The following ZNF738 variants were observed in gnomAD, a reference collection of about 807,000 sequenced individuals.
The protein encoded by ZNF738 is zinc finger protein 738.
Under a neutral mutation model 9.2 loss-of-function variants are expected in ZNF738, and 10 were observed. The observed-to-expected ratio is 1.09, with a 90% CI of 0.67 to 1.85. The LOEUF is 1.85. ZNF738 is among the 40% of genes most tolerant of loss of function. ZNF738 has a pLI of 0.00. For synonymous variants in ZNF738, 113 were observed against 94.5 expected (o/e 1.20, Z -1.14); for missense variants, 346 against 283.6 (o/e 1.22, Z -1.58).
At position 21,377,496 on chromosome 19, in the gene ZNF738, A is replaced by T. The variant is rs745310516; in HGVS notation, c.319+1532A>T. Reference sequence around the variant, plus strand: ...TTTGGAACCTTAGTGTGACATACACACAGACACACAGACGTGCACACACAC... The same window carrying T: ...TTTGGAACCTTAGTGTGACATACACTCAGACACACAGACGTGCACACACAC... On this transcript the variant is annotated intron_variant, in intron 4 of 4. Coordinates refer to ENST00000683779, the MANE Select transcript of ZNF738 (RefSeq NM_001355237.2). 6 of 685,082 alleles carry T rather than the reference A, an allele frequency of 8.8e-6. No individual in the cohort carries two copies. In the South Asian group the frequency reaches 9.3e-5, roughly 11 times the overall value. 42.4% of individuals were successfully genotyped at this position (685,082 alleles called of 1,614,324 possible). A position where few individuals can be genotyped will look rare whatever the true frequency, so the allele number is the denominator to read the frequency against.
intron 4 of ZNF738, among the ~76,000 whole-genome samples, chr19:21,382,420 G>A (rs1472101038): frequency 6.6e-6 from 1 of 151,884 alleles, no homozygotes; most frequent in African/African-American, 2.4e-5. Context: ...TATATTTGTA[G>A]TAGAGACGGA....
chr19:21,372,144 G>A (rs1158589045), intron 2 of ZNF738: 3 of 152,048 alleles, frequency 2.0e-5, no homozygotes, highest in Non-Finnish European at 4.4e-5. Context: ...GTTTCTCCAT[G>A]TTGGTCAGGC....
At position 21,383,962 on chromosome 19, in the gene ZNF738, C is replaced by T. The variant is rs890807488; in HGVS notation, c.*288C>T. On this transcript the variant is annotated 3_prime_UTR_variant, in exon 5 of 5. Transcript: ENST00000683779. The stretch of plus-strand genomic sequence containing the variant: ...TTTAACTGTTACTCCTACCTTACTG[C>T]ACATAAGTTGATTCATACTGGAGAG... The T allele has an allele frequency of 2.1e-6, 3 of 1,419,042 alleles. No homozygotes were observed. The highest frequency in any genetic ancestry group is 3.0e-6 in the Non-Finnish European group (3 of 1,014,140). The allele number at this position is 1,419,042 out of a possible 1,614,324, so 87.9% of individuals were successfully genotyped here.
chr19:21,361,890 G>T, intron 2 of ZNF738, 32 bp downstream of exon 2: 1 of 756,378 alleles, frequency 1.3e-6, no homozygotes, highest in Non-Finnish European at 2.5e-6. Flanking sequence ...ATTGTCTTTG[G>T]GACCAGCTTG....
chr19:21,359,012 C>T lies in ZNF738; in HGVS notation c.-129C>T, dbSNP rs565586694. Reference sequence around the variant, plus strand: ...TGTCCGCTTCTTTGTCTTTGGCTGCCGCTGGAACTCCGGGTCTCGTCTTCA... The same window carrying T: ...TGTCCGCTTCTTTGTCTTTGGCTGCTGCTGGAACTCCGGGTCTCGTCTTCA... On this transcript the variant is annotated 5_prime_UTR_variant, in exon 1 of 5. Coordinates refer to ENST00000683779, the MANE Select transcript of ZNF738 (RefSeq NM_001355237.2). 6.6e-6 allele frequency: 5 copies of T among 758,808 alleles called. No individual in the cohort carries two copies. The highest frequency in any genetic ancestry group is 1.2e-5 in the Non-Finnish European group (5 of 412,148). The allele number at this position is 758,808 out of a possible 1,614,324, so 47.0% of individuals were successfully genotyped here.
At chr19:21,374,035 AT>A (rs1973893485) in intron 2 of ZNF738, among the ~76,000 whole-genome samples, 1 of 152,126 alleles carries the variant, frequency 6.6e-6, no homozygotes, top group African/African-American at 2.4e-5. Flanking sequence ...CTTACCAGGA[AT>A]TTTTGATCTG....
chr19:21,359,948 G>A (rs1973660645), intron 1 of ZNF738, among the ~76,000 whole-genome samples: 1 of 152,162 alleles, frequency 6.6e-6, no homozygotes, highest in East Asian at 1.9e-4. Context: ...CCAAGCTGTG[G>A]TTTTTAGTTT....
rs1974060852 is a variant in ZNF738 at position 21,385,869 on chromosome 19, C to A, written c.*2195C>A. Among the ~76,000 whole-genome samples the A allele has an allele frequency of 6.6e-6, 1 of 152,178 alleles. No individual in the cohort carries two copies. ...AATTCTACAAATGTGAAGAATGTGG[C>A]AAAGGCTTTAATTTGTCCTCAACAC... On this transcript the variant is annotated 3_prime_UTR_variant, in exon 5 of 5. Transcript: ENST00000683779.
At chr19:21,382,066 CTT>C (rs139193236) in intron 4 of ZNF738, 15 of 114,620 alleles carry the variant, frequency 1.3e-4, no homozygotes, top group East Asian at 7.4e-4. Context: ...TTCTTTCTTT[CTT>C]TTTTTTTTTT....
At position 21,382,906 on chromosome 19, in the gene ZNF738, G is replaced by C; in HGVS notation, c.360G>C (p.Pro120=). 1 of 525,628 alleles carries C rather than the reference G, an allele frequency of 1.9e-6. No individual in the cohort carries two copies. Among genetic ancestry groups the C allele is most frequent in the Non-Finnish European group, 3.6e-6 (1 of 275,814 alleles). 32.6% of individuals were successfully genotyped at this position (525,628 alleles called of 1,614,324 possible). A position where few individuals can be genotyped will look rare whatever the true frequency, so the allele number is the denominator to read the frequency against. ...TTGCCCAGGACCTTTGGCCACAGCC[G>C]GGCATAAAAGATTCTTTCCAAAAAG... ...SHFAQDLWPQ[P]GIKDSFQKVI... The change falls in exon 5 of 5, where the codon CCG becomes CCC. Residue 120 remains proline, a synonymous_variant. Coordinates refer to ENST00000683779, the MANE Select transcript of ZNF738 (RefSeq NM_001355237.2).
At position 21,384,926 on chromosome 19, in the gene ZNF738, T is replaced by TA. The variant is rs2145245543; in HGVS notation, c.*1258dup. On this transcript the variant is annotated 3_prime_UTR_variant, in exon 5 of 5. Transcript: ENST00000683779. Reference sequence around the variant, plus strand: ...ATATTGGAGAATAACACTACAAATGTAAAAAATGTGGCAAACCTTATAACC... The same window carrying TA: ...ATATTGGAGAATAACACTACAAATGTAAAAAAATGTGGCAAACCTTATAACC... 6.6e-6 allele frequency among the ~76,000 whole-genome samples: 1 copy of TA among 152,328 alleles called. No homozygotes were observed. The highest frequency in any genetic ancestry group is 2.4e-5 in the African/African-American group (1 of 41,582).
chr19:21,374,264 C>A (rs887840343), intron 2 of ZNF738, among the ~76,000 whole-genome samples: 2 of 150,942 alleles, frequency 1.3e-5, no homozygotes, highest in African/African-American at 4.9e-5. Context: ...AAAATTATTG[C>A]GAGATACCCG....
Position 21,361,865 on chromosome 19 carries a change from C to T in ZNF738, c.96+7C>T. 1.3e-6 allele frequency: 1 copy of T among 773,646 alleles called. No homozygotes were observed. The allele number at this position is 773,646 out of a possible 1,614,324, so 47.9% of individuals were successfully genotyped here. ...GTACTCTTATTTTGAAAAGGTAACCCCTTGATATGTTAAAATTGTCTTTGG... is the reference window on the plus strand; with the variant it reads ...GTACTCTTATTTTGAAAAGGTAACCTCTTGATATGTTAAAATTGTCTTTGG... On this transcript the variant is annotated splice_region_variant and intron_variant, in intron 2 of 4. Transcript: ENST00000683779.
chr19:21,364,872 A>G (rs1379177106), intron 2 of ZNF738, among the ~76,000 whole-genome samples: 5 of 141,014 alleles, frequency 3.5e-5, no homozygotes, highest in African/African-American at 7.9e-5. Flanking sequence ...CAGCCTCCTG[A>G]GTGACTGGGA....
chr19:21,382,506 G>A (rs190851454), intron 4 of ZNF738, among the ~76,000 whole-genome samples: 1 of 152,116 alleles, frequency 6.6e-6, no homozygotes, highest in Non-Finnish European at 1.5e-5. Flanking sequence ...CAAAGTGCTG[G>A]GATTACAGGT....
Position 21,388,193 on chromosome 19 carries a change from T to C in ZNF738, c.*4519T>C, listed in dbSNP as rs1479128653. Among the ~76,000 whole-genome samples, 1 of 151,582 alleles carries C rather than the reference T, an allele frequency of 6.6e-6. No homozygotes were observed. Among genetic ancestry groups the C allele is most frequent in the East Asian group, 1.9e-4 (1 of 5,202 alleles). ...AAAAGATTTTTTGCAGAGTAATAAC[T>C]ACATTCTAAGTATACTTTATTTCTT... On this transcript the variant is annotated 3_prime_UTR_variant, in exon 5 of 5. Coordinates refer to ENST00000683779, the MANE Select transcript of ZNF738 (RefSeq NM_001355237.2).
chr19:21,383,361 C>CCA lies in ZNF738; in HGVS notation c.818_819dup (p.Thr274GlnfsTer8). 9.2e-7 allele frequency: 1 copy of CCA among 1,089,850 alleles called. No homozygotes were observed. 67.5% of individuals were successfully genotyped at this position (1,089,850 alleles called of 1,614,324 possible). A position where few individuals can be genotyped will look rare whatever the true frequency, so the allele number is the denominator to read the frequency against. On this transcript the variant is annotated frameshift_variant, in exon 5 of 5. Coordinates refer to ENST00000683779, the MANE Select transcript of ZNF738 (RefSeq NM_001355237.2). LOFTEE classifies it low-confidence loss of function (END_TRUNC). Reference sequence around the variant, plus strand: ...GAATGTGGAAAAGGTTTTAACCACTCCACAACTCTTACTAGACATAAGGTA... The same window carrying CCA: ...GAATGTGGAAAAGGTTTTAACCACTCCACACAACTCTTACTAGACATAAGGTA...
intron 2 of ZNF738, among the ~76,000 whole-genome samples, 196 bp downstream of exon 2, chr19:21,362,054 C>G (rs1229907023): frequency 6.6e-6 from 1 of 151,246 alleles, no homozygotes; most frequent in Non-Finnish European, 1.5e-5. Context: ...TGCACTCTAG[C>G]CTGGGCAACA....
At position 21,383,023 on chromosome 19, in the gene ZNF738, A is replaced by C; in HGVS notation, c.477A>C (p.Glu159Asp). 1 of 799,638 alleles carries C rather than the reference A, an allele frequency of 1.3e-6. No homozygotes were observed. The highest frequency in any genetic ancestry group is 2.2e-6 in the Non-Finnish European group (1 of 454,594). The allele number at this position is 799,638 out of a possible 1,614,324, so 49.5% of individuals were successfully genotyped here. Residue 159 changes from glutamate to aspartate, a missense_variant, in exon 5 of 5, where the codon GAA becomes GAC. By Grantham distance (45) the Glu-to-Asp change is conservative. Coordinates refer to ENST00000683779, the MANE Select transcript of ZNF738 (RefSeq NM_001355237.2). Reference protein sequence around the residue: ...KSVNECNVQKEGYNELKEYLT... With the variant: ...KSVNECNVQKDGYNELKEYLT... ...TGAATGAGTGTAATGTGCAAAAAGA[A>C]GGTTATAATGAACTAAAAGAGTATT...
Sources: gnomAD v4.1 joint callset for allele counts (sites outside exome capture counted in the v4.1 genomes callset) on GRCh38, gnomAD v4.1.1 for gene constraint, MANE v1.5 for transcripts, NCBI Gene and HGNC (gene_info 2026-07-23, HGNC 2026-07-21) for gene names.